Variants in ARHGAP44 observed in about 807,000 individuals in gnomAD.
The protein encoded by ARHGAP44 is Rho GTPase activating protein 44.
A neutral mutation model predicts 106.8 loss-of-function variants in ARHGAP44; 43 were observed. The ratio of observed to expected loss-of-function variants is 0.40; its 90% CI spans 0.32 to 0.52. ARHGAP44 has a LOEUF of 0.52. Among genes scored for constraint, ARHGAP44 ranks in the 20% least tolerant of loss-of-function variants. The pLI is 0.48. For missense variants in ARHGAP44, 866 were observed against 1,050.5 expected, an observed-to-expected ratio of 0.82 and a Z score of 2.43; for synonymous variants, 439 against 410.3, an observed-to-expected ratio of 1.07 and a Z score of -0.85.
intron 3 of ARHGAP44, among the ~76,000 whole-genome samples, chr17:12,906,601 C>A (rs1024524725): frequency 6.6e-6 from 1 of 152,118 alleles, no homozygotes; most frequent in African/African-American, 2.4e-5. Context: ...AAACTTAGGG[C>A]AAAGTATGAT....
chr17:12,948,361 T>C (rs1021945276), intron 10 of ARHGAP44, among the ~76,000 whole-genome samples: 2 of 152,174 alleles, frequency 1.3e-5, no homozygotes, highest in African/African-American at 4.8e-5. Context: ...CCTGAAGGCA[T>C]AGACTTTATT....
intron 15 of ARHGAP44, among the ~76,000 whole-genome samples, chr17:12,957,366 C>A (rs1324550046): frequency 1.3e-5 from 2 of 152,212 alleles, no homozygotes; most frequent in Non-Finnish European, 2.9e-5. Flanking sequence ...TTCTTCAAAT[C>A]TGCAAATCTT....
chr17:12,829,274 G>A (rs1469673703), intron 1 of ARHGAP44, among the ~76,000 whole-genome samples: 1 of 152,060 alleles, frequency 6.6e-6, no homozygotes, highest in Admixed American at 6.5e-5. Context: ...TCTGCTTGCT[G>A]TTCTACTTGA....
intron 5 of ARHGAP44, chr17:12,917,249 C>T (rs894047982): frequency 3.2e-5 from 5 of 154,438 alleles, no homozygotes; most frequent in African/African-American, 1.2e-4. Flanking sequence ...GAAGTTGGCT[C>T]ACATAATCAC....
intron 1 of ARHGAP44, among the ~76,000 whole-genome samples, chr17:12,837,713 A>G (rs1480479839): frequency 3.3e-5 from 5 of 152,088 alleles, no homozygotes; most frequent in African/African-American, 2.4e-5. Context: ...TGGGAGATAC[A>G]TGGAGAAGTG....
rs550872388 is a variant in ARHGAP44, at chr17:12,873,636, G to A, written c.54-21304G>A. On this transcript the variant is annotated intron_variant, in intron 1 of 20. Coordinates refer to ENST00000379672, the MANE Select transcript of ARHGAP44 (RefSeq NM_014859.6). ...CCACCAGCCAGGCTTGGTGGCTCAC[G>A]CCTATAATCCCAGCACTTTGGGAGG... Among the ~76,000 whole-genome samples the A allele has an allele frequency of 3.3e-5, 5 of 152,290 alleles. No individual in the cohort carries two copies. The South Asian group carries it at 6.2e-4, about 19-fold the overall frequency.
At chr17:12,851,246 C>G (rs2035731199) in intron 1 of ARHGAP44, among the ~76,000 whole-genome samples, 1 of 152,206 alleles carries the variant, frequency 6.6e-6, no homozygotes, top group African/African-American at 2.4e-5. Context: ...GGCCCAGTCT[C>G]TGTCCGTTGG....
At chr17:12,811,547 CTG>C (rs1226047934) in intron 1 of ARHGAP44, among the ~76,000 whole-genome samples, 1 of 152,084 alleles carries the variant, frequency 6.6e-6, no homozygotes, top group Admixed American at 6.5e-5. Context: ...TGGAAAAAGT[CTG>C]TGTATAAGTG....
intron 1 of ARHGAP44, among the ~76,000 whole-genome samples, chr17:12,892,716 A>G (rs1383851701): frequency 6.7e-6 from 1 of 150,088 alleles, no homozygotes; most frequent in Non-Finnish European, 1.5e-5. Flanking sequence ...CAGATTGGAA[A>G]ATTGCTGTTA....
rs536379746 is a variant in ARHGAP44 at position 12,815,265 on chromosome 17, A to C, written c.53+25374A>C. Among the ~76,000 whole-genome samples the C allele has an allele frequency of 4.6e-5, 7 of 152,150 alleles. No homozygotes were observed. The South Asian group carries it at 1.5e-3, about 32-fold the overall frequency. On this transcript the variant is annotated intron_variant, in intron 1 of 20. Coordinates refer to ENST00000379672, the MANE Select transcript of ARHGAP44 (RefSeq NM_014859.6). ...TATCCTGTAGGCATTTAGAATGTACAATCTCATACACGGCTGTCTACTGTA... is the reference window on the plus strand; with the variant it reads ...TATCCTGTAGGCATTTAGAATGTACCATCTCATACACGGCTGTCTACTGTA...
At chr17:12,804,092 T>C (rs2034200504) in intron 1 of ARHGAP44, among the ~76,000 whole-genome samples, 1 of 152,204 alleles carries the variant, frequency 6.6e-6, no homozygotes, top group Non-Finnish European at 1.5e-5. Flanking sequence ...CTCTCCATTT[T>C]TCTTCGCTTT....
intron 1 of ARHGAP44, among the ~76,000 whole-genome samples, chr17:12,845,506 CAA>C (rs748288660): frequency 5.9e-5 from 4 of 67,924 alleles, no homozygotes; most frequent in Non-Finnish European, 6.0e-5. Context: ...GACTCCGTCT[CAA>C]AAAAAAAAAA....
At chr17:12,948,850 A>G (rs2038926137) in intron 10 of ARHGAP44, among the ~76,000 whole-genome samples, 1 of 152,088 alleles carries the variant, frequency 6.6e-6, no homozygotes, top group African/African-American at 2.4e-5. Context: ...CAAGATGTCT[A>G]AGTGCCCAAG....
At chr17:12,989,101 CAAAAAAAAAAA>C (rs71144942) in intron 20 of ARHGAP44, among the ~76,000 whole-genome samples, 3,039 of 45,350 alleles carry the variant, frequency 0.067, 94 homozygotes, top group Middle Eastern at 0.19. Flanking sequence ...CCACCCCCCC[CAAAAAAAAAAA>C]AAAAAAAAAA....
At chr17:12,821,722 G>A (rs577233008) in intron 1 of ARHGAP44, among the ~76,000 whole-genome samples, 24 of 152,264 alleles carry the variant, frequency 1.6e-4, no homozygotes, top group Admixed American at 7.2e-4. Flanking sequence ...GAAGCAGAGC[G>A]TTATGTTCCT....
intron 12 of ARHGAP44, among the ~76,000 whole-genome samples, chr17:12,950,534 C>T (rs1401808454): frequency 6.6e-6 from 1 of 152,196 alleles, no homozygotes; most frequent in Non-Finnish European, 1.5e-5. Flanking sequence ...TGGCTTATTT[C>T]CTCGGTTATG....
intron 10 of ARHGAP44, among the ~76,000 whole-genome samples, chr17:12,946,774 C>T (rs2143039665): frequency 6.7e-6 from 1 of 150,212 alleles, no homozygotes; most frequent in South Asian, 2.1e-4. Context: ...GCACTCCAGC[C>T]TGGGCAACAG....
intron 1 of ARHGAP44, among the ~76,000 whole-genome samples, chr17:12,840,370 T>C (rs2035355171): frequency 6.6e-6 from 1 of 152,200 alleles, no homozygotes; most frequent in Non-Finnish European, 1.5e-5. Flanking sequence ...TAATCTTAGA[T>C]TTAAAAGGAA....
At chr17:12,895,351 G>A (rs776322406) in intron 2 of ARHGAP44, among the ~76,000 whole-genome samples, 1 of 152,084 alleles carries the variant, frequency 6.6e-6, no homozygotes, top group East Asian at 1.9e-4. Context: ...TAGCCCGAGG[G>A]TCCTGGAGTC....
Sources: gnomAD v4.1 joint callset for allele counts (sites outside exome capture counted in the v4.1 genomes callset) on GRCh38, gnomAD v4.1.1 for gene constraint, MANE v1.5 for transcripts, NCBI Gene and HGNC (gene_info 2026-07-23, HGNC 2026-07-21) for gene names.